Variants in SLC6A16 observed in about 807,000 individuals in gnomAD.
SLC6A16 encodes orphan sodium- and chloride-dependent neurotransmitter transporter NTT5.
In SLC6A16, 54 loss-of-function variants were observed where a neutral mutation model predicts 65.4. The ratio of observed to expected loss-of-function variants is 0.83; its 90% CI spans 0.66 to 1.04. SLC6A16 has a LOEUF of 1.04. SLC6A16 is among the 50% of genes least tolerant of loss of function. The pLI, the probability that SLC6A16 is intolerant of heterozygous loss-of-function variation, is 0.00. For synonymous variants in SLC6A16, 330 were observed against 346.5 expected (o/e 0.95, Z 0.53); for missense variants, 816 against 914.0 (o/e 0.89, Z 1.38).
chr19:49,340,318 G>A, the SLC6A16 span: 1 of 1,612,542 alleles, frequency 6.2e-7, no homozygotes, highest in Admixed American at 1.7e-5. Flanking sequence ...CGGCTCGCTC[G>A]ATACCGTTAG....
chr19:49,311,763 C>T (rs1038059462), intron 1 of SLC6A16, among the ~76,000 whole-genome samples: 2 of 150,018 alleles, frequency 1.3e-5, no homozygotes, highest in African/African-American at 2.5e-5. Flanking sequence ...GCAGGAGAAT[C>T]GCTTGAACCC....
chr19:49,307,730 A>AAAAAAAAAG (rs1447308100), intron 7 of SLC6A16, among the ~76,000 whole-genome samples: 1 of 143,850 alleles, frequency 7.0e-6, no homozygotes, highest in Admixed American at 6.9e-5. Context: ...GAAGCAAAAA[A>AAAAAAAAAG]AAAGAAAAAG....
Position 49,289,903 on chromosome 19 carries a change from G to A in SLC6A16, c.*220C>T, listed in dbSNP as rs1970040803. On this transcript the variant is annotated 3_prime_UTR_variant, in exon 12 of 12. Coordinates refer to ENST00000335875, the MANE Select transcript of SLC6A16 (RefSeq NM_014037.3). ...TGTGTTGTGCATGTATGTGTGTTGA[G>A]GAAGAGGATGGGGAAAACAATGATG... is the stretch of plus-strand genomic sequence containing the variant. 1.7e-6 allele frequency: 1 copy of A among 582,930 alleles called. No homozygotes were observed. Among genetic ancestry groups the A allele is most frequent in the African/African-American group, 1.9e-5 (1 of 53,494 alleles). 36.1% of individuals were successfully genotyped at this position (582,930 alleles called of 1,614,324 possible). A position where few individuals can be genotyped will look rare whatever the true frequency, so the allele number is the denominator to read the frequency against.
upstream of SLC6A16, among the ~76,000 whole-genome samples, chr19:49,329,078 GT>G (rs1396005536): frequency 3.9e-5 from 6 of 152,080 alleles, no homozygotes; most frequent in Non-Finnish European, 7.4e-5. Flanking sequence ...AAAAACTACA[GT>G]AGGTAAGAAA....
rs1315700269 is a variant in SLC6A16, at chr19:49,309,725, G to A, written c.802C>T (p.Leu268=). Residue 268 remains leucine, a synonymous_variant, in exon 5 of 12, where the codon CTG becomes TTG. Coordinates refer to ENST00000335875, the MANE Select transcript of SLC6A16 (RefSeq NM_014037.3). ...IEDGGSPVYS[L]VLPFFLCWCL... is the part of the protein sequence containing the mutation. ...CAGCAAAGAAAGAAGGGCAGGACCA[G>A]ACTGTAGACTGGTGACCCGCCATCC... 1 of 1,614,074 alleles carries A rather than the reference G, an allele frequency of 6.2e-7. No individual in the cohort carries two copies. Among genetic ancestry groups the A allele is most frequent in the South Asian group, 1.1e-5 (1 of 91,074 alleles).
chr19:49,290,369 G>A lies in SLC6A16; in HGVS notation c.1965C>T (p.Tyr655=). The change falls in exon 12 of 12, where the codon TAC becomes TAT. Residue 655 remains tyrosine, a synonymous_variant. Coordinates refer to ENST00000335875, the MANE Select transcript of SLC6A16 (RefSeq NM_014037.3). ...SSTSKEVLRP[Y]PPWALLLMIT... is the part of the protein sequence containing the mutation. ...TCATCAAGAGCAGTGCCCACGGTGGGTATGGTCGAAGCACCTCTTTTGACT... is the reference window on the plus strand; with the variant it reads ...TCATCAAGAGCAGTGCCCACGGTGGATATGGTCGAAGCACCTCTTTTGACT... 6.2e-7 allele frequency: 1 copy of A among 1,613,646 alleles called. No individual in the cohort carries two copies. The highest frequency in any genetic ancestry group is 8.5e-7 in the Non-Finnish European group (1 of 1,179,744).
chr19:49,321,336 A>C (rs1440536621), intron 1 of SLC6A16, among the ~76,000 whole-genome samples: 3 of 127,278 alleles, frequency 2.4e-5, no homozygotes, highest in Non-Finnish European at 3.3e-5. Context: ...AAAAAAAAAA[A>C]CTCAACAATC....
chr19:49,337,788 G>C, the SLC6A16 span: 5 of 1,546,812 alleles, frequency 3.2e-6, no homozygotes, highest in Admixed American at 3.9e-5. Flanking sequence ...CAGACCTGAA[G>C]TACACAGAGC....
Position 49,309,419 on chromosome 19 carries a change from G to C in SLC6A16, c.877-8C>G. ...TACCAAGACATAGATTACCTGAATC[G>C]AGAGTGGGACATATCAGCAACCGTG... On this transcript the variant is annotated splice_polypyrimidine_tract_variant and splice_region_variant and intron_variant, in intron 5 of 11. Coordinates refer to ENST00000335875, the MANE Select transcript of SLC6A16 (RefSeq NM_014037.3). 1 of 1,597,732 alleles carries C rather than the reference G, an allele frequency of 6.3e-7. No individual in the cohort carries two copies. The highest frequency in any genetic ancestry group is 8.6e-7 in the Non-Finnish European group (1 of 1,165,436).
chr19:49,331,323 G>A, the SLC6A16 span, among the ~76,000 whole-genome samples: 1 of 152,094 alleles, frequency 6.6e-6, no homozygotes, highest in African/African-American at 2.4e-5. Context: ...TGGGACTGTA[G>A]GTACATACCA....
chr19:49,335,798 TGGGGCA>T, the SLC6A16 span: 2 of 1,464,678 alleles, frequency 1.4e-6, no homozygotes, highest in Non-Finnish European at 1.9e-6. This position sits in a 1 kb window ranked among gnomAD's most constrained non-coding sequence, Gnocchi z 4.6. Context: ...TGAGGGGGGC[TGGGGCA>T]GGTGGGAGGG....
At chr19:49,323,069 G>C (rs1970741508) in intron 1 of SLC6A16, among the ~76,000 whole-genome samples, 1 of 151,794 alleles carries the variant, frequency 6.6e-6, no homozygotes, top group African/African-American at 2.4e-5. Context: ...CAGAAACAAT[G>C]TATGGAAAAA....
At chr19:49,325,430 T>A (rs1204043520), upstream of SLC6A16, among the ~76,000 whole-genome samples, 1 of 152,176 alleles carries the variant, frequency 6.6e-6, no homozygotes, top group Non-Finnish European at 1.5e-5. Context: ...AGACAAGGCC[T>A]TTCTCTGGCA....
At chr19:49,291,347 C>T (rs1051301734) in intron 10 of SLC6A16, among the ~76,000 whole-genome samples, 4 of 151,990 alleles carry the variant, frequency 2.6e-5, no homozygotes, top group African/African-American at 7.3e-5. Flanking sequence ...TCTATGCCCC[C>T]GGAGTTTCCC....
rs776988530 is a variant in SLC6A16 at position 49,311,158 on chromosome 19, T to C, written c.190A>G (p.Ser64Gly). ...ARVAEAQART[S>G]QPKQISVLEA... The stretch of plus-strand genomic sequence containing the variant: ...AATACAGAAATTTGCTTGGGCTGAC[T>C]GGTCCTGGCCTGAGCCTCTGCAACC... The change falls in exon 2 of 12, where the codon AGT becomes GGT. Residue 64 changes from serine to glycine, a missense_variant. Physicochemically the swap from Ser to Gly is moderately conservative, Grantham distance 56. Transcript: ENST00000335875. 2 of 1,614,192 alleles carry C rather than the reference T, an allele frequency of 1.2e-6. No homozygotes were observed. Among genetic ancestry groups the C allele is most frequent in the East Asian group, 4.5e-5 (2 of 44,880 alleles).
chr19:49,290,204 T>C lies in SLC6A16; in HGVS notation c.2130A>G (p.Thr710=), dbSNP rs763614672. Residue 710 remains threonine, a synonymous_variant, in exon 12 of 12, where the codon ACA becomes ACG. Coordinates refer to ENST00000335875, the MANE Select transcript of SLC6A16 (RefSeq NM_014037.3). ...CTTCCTTTTGAACCTCTTTACTGGG[T>C]GTTAGCTGGTGACTTAGGGGTAGGG... The part of the protein sequence containing the change: ...STSLPLSHQL[T]PSKEVQKEEI... The C allele has an allele frequency of 5.0e-6, 8 of 1,613,964 alleles. No individual in the cohort carries two copies. The highest frequency in any genetic ancestry group is 5.9e-6 in the Non-Finnish European group (7 of 1,180,016).
chr19:49,293,507 G>A (rs919117304), intron 9 of SLC6A16, 125 bp from the exon 10 acceptor site: 12 of 870,744 alleles, frequency 1.4e-5, no homozygotes, highest in Non-Finnish European at 1.9e-5. Context: ...GCTTACATGT[G>A]TAATCCAAGC....
At chr19:49,332,087 T>G in the SLC6A16 span, 2 of 455,654 alleles carry the variant, frequency 4.4e-6, no homozygotes, top group Admixed American at 4.7e-5. Context: ...AAAATCAAGG[T>G]GTCACCAGGG....
chr19:49,329,978 G>C (rs1001453211), upstream of SLC6A16, among the ~76,000 whole-genome samples: 1 of 152,142 alleles, frequency 6.6e-6, no homozygotes, highest in African/African-American at 2.4e-5. Context: ...TAATAGCCAG[G>C]TGTGGTGGCA....
Sources: allele counts gnomAD v4.1 joint callset (sites outside exome capture counted in the v4.1 genomes callset), GRCh38; gene constraint gnomAD v4.1.1; non-coding constraint Gnocchi (gnomAD v3.1); transcripts MANE v1.5; gene names NCBI Gene and HGNC (gene_info 2026-07-23, HGNC 2026-07-21).